The following PIP4K2A variants were observed in gnomAD, a reference collection of about 807,000 sequenced individuals.
PIP4K2A encodes phosphatidylinositol 5-phosphate 4-kinase type-2 alpha.
PIP4K2A carries 14 observed loss-of-function variants against 42.9 expected under a neutral mutation model. The ratio of observed to expected loss-of-function variants is 0.33; its 90% confidence interval spans 0.22 to 0.51. The LOEUF is 0.51. Among genes scored for constraint, PIP4K2A ranks in the 20% least tolerant of loss-of-function variants. PIP4K2A has a pLI of 0.97. For synonymous variants in PIP4K2A, 192 were observed against 192.2 expected (o/e 1.00, Z 0.01); for missense variants, 434 against 519.8 (o/e 0.83, Z 1.61).
intron 1 of PIP4K2A, among the ~76,000 whole-genome samples, chr10:22,653,527 G>GA (rs1362814656): frequency 1.3e-5 from 2 of 152,218 alleles, no homozygotes; most frequent in East Asian, 3.8e-4. Flanking sequence ...TGCACACTGG[G>GA]AAGGCAGGGG....
intron 1 of PIP4K2A, among the ~76,000 whole-genome samples, chr10:22,697,138 TAA>T (rs5783807): frequency 7.1e-4 from 101 of 142,466 alleles, no homozygotes; most frequent in African/African-American, 1.1e-3. Context: ...TCCTTCAGCT[TAA>T]AAAAAAAAAA....
intron 3 of PIP4K2A, among the ~76,000 whole-genome samples, chr10:22,601,062 T>C (rs922899871): frequency 1.5e-5 from 2 of 133,438 alleles, no homozygotes; most frequent in Non-Finnish European, 3.1e-5. Context: ...ATCTTCTAAA[T>C]CTCAGCTGCT....
intron 1 of PIP4K2A, among the ~76,000 whole-genome samples, chr10:22,655,324 T>C (rs964525951): frequency 1.3e-5 from 2 of 152,202 alleles, no homozygotes; most frequent in African/African-American, 2.4e-5. Flanking sequence ...TATGCAGCCA[T>C]GCACAAGATG....
chr10:22,543,052 G>A (rs1018237098), intron 7 of PIP4K2A, among the ~76,000 whole-genome samples: 3 of 152,230 alleles, frequency 2.0e-5, no homozygotes, highest in Admixed American at 1.3e-4. Flanking sequence ...GGAAGCAGAT[G>A]TCCTCATGCA....
chr10:22,565,466 A>G (rs1297087061), intron 6 of PIP4K2A, among the ~76,000 whole-genome samples: 1 of 152,172 alleles, frequency 6.6e-6, no homozygotes, highest in Non-Finnish European at 1.5e-5. Context: ...ATGGACACTT[A>G]TCACTTCCCC....
At chr10:22,713,513 T>C (rs1283718594) in intron 1 of PIP4K2A, among the ~76,000 whole-genome samples, 1 of 152,174 alleles carries the variant, frequency 6.6e-6, no homozygotes, top group Non-Finnish European at 1.5e-5. Context: ...GGCAGGGCGA[T>C]GCGGGAGAAG....
At chr10:22,648,152 T>A (rs1838921452) in intron 1 of PIP4K2A, among the ~76,000 whole-genome samples, 1 of 152,216 alleles carries the variant, frequency 6.6e-6, no homozygotes, top group Non-Finnish European at 1.5e-5. Flanking sequence ...AAATTCACTC[T>A]GTTTAAATAT....
At chr10:22,696,825 A>G (rs887819910) in intron 1 of PIP4K2A, among the ~76,000 whole-genome samples, 36 of 152,294 alleles carry the variant, frequency 2.4e-4, no homozygotes, top group African/African-American at 8.7e-4. Flanking sequence ...TCTTTTACAA[A>G]AGACCCTTAA....
chr10:22,684,282 CA>C lies in PIP4K2A; in HGVS notation c.144+29900del, dbSNP rs540283837. The stretch of plus-strand genomic sequence containing the variant: ...TGATTGGGTCGTTTTAATTAAAAAC[CA>C]GCATTAGTATCTGTGGTACTAACAG... On this transcript the variant is annotated intron_variant, in intron 1 of 9. Coordinates refer to ENST00000376573, the MANE Select transcript of PIP4K2A (RefSeq NM_005028.5). Among the ~76,000 whole-genome samples, 106 of 152,214 alleles carry C rather than the reference CA, an allele frequency of 7.0e-4. 1 individual carries two copies. Among genetic ancestry groups the C allele is most frequent in the African/African-American group, 2.3e-3 (96 of 41,546 alleles).
chr10:22,595,291 G>C (rs1428502162), intron 3 of PIP4K2A, among the ~76,000 whole-genome samples: 1 of 152,194 alleles, frequency 6.6e-6, no homozygotes, highest in African/African-American at 2.4e-5. Context: ...ATGTGCCTAA[G>C]ATTCCTGTCT....
At chr10:22,701,189 A>G (rs2130916118) in intron 1 of PIP4K2A, among the ~76,000 whole-genome samples, 1 of 152,338 alleles carries the variant, frequency 6.6e-6, no homozygotes, top group Admixed American at 6.5e-5. Flanking sequence ...CAAGAGGGGC[A>G]GGGGTATCCC....
At chr10:22,699,777 A>G (rs781311906) in intron 1 of PIP4K2A, among the ~76,000 whole-genome samples, 7 of 152,220 alleles carry the variant, frequency 4.6e-5, no homozygotes, top group African/African-American at 7.2e-5. Context: ...GTAATGCAAT[A>G]TATGTATTTC....
In PIP4K2A at chr10:22,591,625, T is replaced by C; in HGVS notation, c.492+4A>G. On this transcript the variant is annotated splice_donor_region_variant and intron_variant, in intron 4 of 9. Transcript: ENST00000376573. ...AGTTTCAAATAAAGATCAAGAAAAA[T>C]TACCTGGTGGTATTTCTTCAGGATG... The C allele has an allele frequency of 1.3e-6, 2 of 1,597,126 alleles. No homozygotes were observed. The highest frequency in any genetic ancestry group is 1.7e-6 in the Non-Finnish European group (2 of 1,169,868).
At position 22,537,119 on chromosome 10, in the gene PIP4K2A, C is replaced by T. The variant is rs775797235; in HGVS notation, c.*82G>A. ...TGCTTCCTGCAAGATGAGTACTTCA[C>T]TGAGTTTGGTTTTCATTTTTCCTAC... On this transcript the variant is annotated 3_prime_UTR_variant, in exon 10 of 10. Coordinates refer to ENST00000376573, the MANE Select transcript of PIP4K2A (RefSeq NM_005028.5). 63 of 1,049,282 alleles carry T rather than the reference C, an allele frequency of 6.0e-5. No homozygotes were observed. The highest frequency in any genetic ancestry group is 8.3e-5 in the Non-Finnish European group (58 of 697,362). 65.0% of individuals were successfully genotyped at this position (1,049,282 alleles called of 1,614,324 possible). A position where few individuals can be genotyped will look rare whatever the true frequency, so the allele number is the denominator to read the frequency against.
At chr10:22,539,946 A>T in intron 9 of PIP4K2A, 25 bp downstream of exon 9, 1 of 1,291,478 alleles carries the variant, frequency 7.7e-7, no homozygotes, top group Non-Finnish European at 1.1e-6. Flanking sequence ...AGAAAGAGAG[A>T]AGGAAACAAA....
rs1835919961 is a variant in PIP4K2A, at chr10:22,536,411, G to A, written c.*790C>T. ...CAGTTTTCCTGGACATATTGGCCGA[G>A]GTGAAAAATGTATAGAGAATCACTG... On this transcript the variant is annotated 3_prime_UTR_variant, in exon 10 of 10. Transcript: ENST00000376573. 3.5e-6 allele frequency: 1 copy of A among 288,266 alleles called. No individual in the cohort carries two copies. Among genetic ancestry groups the A allele is most frequent in the Admixed American group, 5.2e-5 (1 of 19,168 alleles). The allele number at this position is 288,266 out of a possible 1,614,324, so 17.9% of individuals were successfully genotyped here. A position where few individuals can be genotyped will look rare whatever the true frequency, so the allele number is the denominator to read the frequency against.
At chr10:22,675,277 C>T (rs1426237425) in intron 1 of PIP4K2A, among the ~76,000 whole-genome samples, 3 of 152,216 alleles carry the variant, frequency 2.0e-5, no homozygotes, top group East Asian at 3.9e-4. Context: ...GATACTTTTG[C>T]TTTATCTCTT....
chr10:22,567,765 G>A lies in PIP4K2A; in HGVS notation c.678+86C>T, dbSNP rs767482981. 6.2e-6 allele frequency: 7 copies of A among 1,124,068 alleles called. No individual in the cohort carries two copies. The South Asian group carries it at 8.6e-5, about 14-fold the overall frequency. The allele number at this position is 1,124,068 out of a possible 1,614,324, so 69.6% of individuals were successfully genotyped here. On this transcript the variant is annotated intron_variant, in intron 6 of 9. Coordinates refer to ENST00000376573, the MANE Select transcript of PIP4K2A (RefSeq NM_005028.5). Reference sequence around the variant, plus strand: ...CAGGAAGAACCACAATAGCAGGGGTGGGAGACTAGAAATAAAGAGTAAAGG... The same window carrying A: ...CAGGAAGAACCACAATAGCAGGGGTAGGAGACTAGAAATAAAGAGTAAAGG...
At chr10:22,573,255 C>A in intron 5 of PIP4K2A, 56 bp downstream of exon 5, 1 of 1,472,500 alleles carries the variant, frequency 6.8e-7, no homozygotes, top group East Asian at 2.3e-5. Flanking sequence ...ACAACATTTA[C>A]AATGTAGAAG....
Sources: allele counts gnomAD v4.1 joint callset (sites outside exome capture counted in the v4.1 genomes callset), GRCh38; gene constraint gnomAD v4.1.1; transcripts MANE v1.5; gene names NCBI Gene and HGNC (gene_info 2026-07-23, HGNC 2026-07-21).